The following AXIN1 variants were observed in gnomAD, a reference collection of about 807,000 sequenced individuals.
AXIN1 encodes axin 1.
Under a neutral mutation model 76.4 loss-of-function variants are expected in AXIN1, and 30 were observed. The ratio of observed to expected loss-of-function variants is 0.39; its 90% confidence interval spans 0.29 to 0.53. The LOEUF is 0.53. AXIN1 is among the 20% of genes least tolerant of loss of function. The pLI is 0.66. For missense variants in AXIN1, 1,140 were observed against 1,198.8 expected (o/e 0.95, Z 0.72); for synonymous variants, 545 against 501.4 (o/e 1.09, Z -1.16).
At chr16:318,073 T>C (rs1448161466) in intron 2 of AXIN1, among the ~76,000 whole-genome samples, 1 of 152,170 alleles carries the variant, frequency 6.6e-6, no homozygotes, top group Non-Finnish European at 1.5e-5. Context: ...CCACGGCACA[T>C]GGCGTGTCTG....
At chr16:308,763 A>C (rs1308713404) in intron 4 of AXIN1, among the ~76,000 whole-genome samples, 1 of 152,176 alleles carries the variant, frequency 6.6e-6, no homozygotes, top group Non-Finnish European at 1.5e-5. Context: ...GCACCCACAC[A>C]CAGCCTACAG....
Position 320,743 on chromosome 16 carries a change from A to AT in AXIN1, c.879-6061dup, listed in dbSNP as rs71299927. 8.0e-3 allele frequency among the ~76,000 whole-genome samples: 862 copies of AT among 107,606 alleles called. 12 individuals carry two copies. The highest frequency in any genetic ancestry group is 0.029 in the East Asian group (128 of 4,424). 70.6% of individuals were successfully genotyped at this position (107,606 alleles called of 152,430 possible). ...TGTGTGTATATATATATATATATAT[A>AT]TTTTTTTTTTTTTTGAGACGGAGCC... On this transcript the variant is annotated intron_variant, in intron 2 of 10. Transcript: ENST00000262320.
chr16:297,024 CCCA>C (rs776311381), intron 7 of AXIN1, 29 bp downstream of exon 7: 3 of 1,605,602 alleles, frequency 1.9e-6, no homozygotes, highest in African/African-American at 1.3e-5. Context: ...CAAAGCAGGC[CCCA>C]CGAGGCTGGC....
chr16:329,357 T>C (rs2053647308), intron 2 of AXIN1, among the ~76,000 whole-genome samples: 1 of 148,208 alleles, frequency 6.7e-6, no homozygotes, highest in Non-Finnish European at 1.5e-5. Context: ...ATGAAAAAAA[T>C]GTGCTAAGAA....
rs1415528882 is a variant in AXIN1, at chr16:293,760, C to T, written c.1956-42G>A. 6.3e-7 allele frequency: 1 copy of T among 1,588,428 alleles called. No individual in the cohort carries two copies. Among genetic ancestry groups the T allele is most frequent in the Non-Finnish European group, 8.6e-7 (1 of 1,160,212 alleles). ...ACAAGTTGTGACTGTGGCCGACACC[C>T]TGGCCAGGTGGCCTGGTGGGGCTAC... is the stretch of plus-strand genomic sequence containing the variant. On this transcript the variant is annotated intron_variant, in intron 7 of 10. Coordinates refer to ENST00000262320, the MANE Select transcript of AXIN1 (RefSeq NM_003502.4). This position sits in a 1 kb window ranked among gnomAD's most constrained non-coding sequence, Gnocchi z 4.6.
intron 2 of AXIN1, among the ~76,000 whole-genome samples, chr16:324,219 T>A (rs548804112): frequency 1.3e-5 from 2 of 152,166 alleles, no homozygotes. Context: ...CCGGGCCACA[T>A]TACGGGTCGG....
At chr16:339,777 C>G (rs1383355233) in intron 2 of AXIN1, among the ~76,000 whole-genome samples, 2 of 152,192 alleles carry the variant, frequency 1.3e-5, no homozygotes, top group Non-Finnish European at 2.9e-5. Context: ...GGGGAGCCCA[C>G]GCAAGGGGCA....
rs200587292 is a variant in AXIN1, at chr16:297,262, C to T, written c.1785-36G>A. On this transcript the variant is annotated intron_variant, in intron 6 of 10. Coordinates refer to ENST00000262320, the MANE Select transcript of AXIN1 (RefSeq NM_003502.4). Reference sequence around the variant, plus strand: ...AAGAGCTGCGAGTCGCCCTGGCCTCCGGTGGCCGAGGCTGTGCCCCTTCCT... The same window carrying T: ...AAGAGCTGCGAGTCGCCCTGGCCTCTGGTGGCCGAGGCTGTGCCCCTTCCT... The T allele has an allele frequency of 4.4e-5, 71 of 1,600,538 alleles. No individual in the cohort carries two copies. In the East Asian group the frequency reaches 1.1e-3, roughly 24 times the overall value.
chr16:352,590 C>T lies in AXIN1; in HGVS notation c.-303G>A, dbSNP rs2054169813. The T allele has an allele frequency of 1.1e-5, 2 of 181,444 alleles. No individual in the cohort carries two copies. Among genetic ancestry groups the T allele is most frequent in the Non-Finnish European group, 2.1e-5 (2 of 96,902 alleles). 11.2% of individuals were successfully genotyped at this position (181,444 alleles called of 1,614,324 possible). On this transcript the variant is annotated 5_prime_UTR_variant, in exon 1 of 11. Transcript: ENST00000262320. Reference sequence around the variant, plus strand: ...GCCGCCAGCTCCCACCCGCCCGCTCCGCGTGGACGCGGCTCCGGGCCGACT... The same window carrying T: ...GCCGCCAGCTCCCACCCGCCCGCTCTGCGTGGACGCGGCTCCGGGCCGACT...
In AXIN1 at chr16:291,267, G is replaced by A. The variant is rs915482424; in HGVS notation, c.2217C>T (p.Arg739=). ...GCGCGCACGCTGGCCTGACGCAGGC[G>A]CGTCCCCGCCGCATAACCTCCTGCA... ...RYVQEVMRRG[R]ACVRPACAPV... Residue 739 remains arginine, a synonymous_variant, in exon 9 of 11, where the codon CGC becomes CGT. Coordinates refer to ENST00000262320, the MANE Select transcript of AXIN1 (RefSeq NM_003502.4). The A allele has an allele frequency of 4.0e-5, 63 of 1,580,130 alleles. No homozygotes were observed. The highest frequency in any genetic ancestry group is 5.0e-5 in the Non-Finnish European group (58 of 1,163,632).
Position 346,865 on chromosome 16 carries a change from C to T in AXIN1, c.161G>A (p.Gly54Asp), listed in dbSNP as rs2141708137. 1.2e-6 allele frequency: 2 copies of T among 1,613,730 alleles called. No homozygotes were observed. Among genetic ancestry groups the T allele is most frequent in the Non-Finnish European group, 1.7e-6 (2 of 1,179,596 alleles). The change falls in exon 2 of 11, where the codon GGT (glycine) becomes GAT (aspartate). Residue 54 changes from glycine (G) to aspartate (D), a missense_variant. Around this residue, in one of 3 missense-constraint regions of AXIN1, gnomAD observed 708 missense variants for 776.9 expected, o/e 0.91. Transcript: ENST00000262320. ...FCSGKGVGIK[G>D]ETSTATPRRS... ...CCTCGGAGTGGCCGTCGAAGTCTCA[C>T]CTTTAATGCCAACACCTTTCCCGGA...
chr16:320,517 GA>G (rs1316208590), intron 2 of AXIN1, among the ~76,000 whole-genome samples: 4 of 152,194 alleles, frequency 2.6e-5, no homozygotes, highest in Non-Finnish European at 5.9e-5. Flanking sequence ...GAGAAATTTA[GA>G]AACAGGTCAA....
At chr16:300,422 A>G (rs898201825) in intron 5 of AXIN1, among the ~76,000 whole-genome samples, 2 of 151,866 alleles carry the variant, frequency 1.3e-5, no homozygotes, top group African/African-American at 4.8e-5. Flanking sequence ...CTGCTCTTAA[A>G]TTCCTGGCCT....
chr16:338,970 G>C (rs1041805528), intron 2 of AXIN1, among the ~76,000 whole-genome samples: 7 of 92,996 alleles, frequency 7.5e-5, no homozygotes, highest in African/African-American at 3.9e-4. Context: ...TGTGGGGACA[G>C]AGTCCAGCAG....
At position 289,079 on chromosome 16, in the gene AXIN1, C is replaced by T. The variant is rs376047838; in HGVS notation, c.2462+361G>A. Among the ~76,000 whole-genome samples the T allele has an allele frequency of 4.5e-3, 618 of 137,554 alleles. 5 individuals are homozygous for T. Among genetic ancestry groups the T allele is most frequent in the African/African-American group, 0.012 (420 of 35,370 alleles). 90.2% of individuals were successfully genotyped at this position (137,554 alleles called of 152,430 possible). ...GCTGAAATGGCCGGAAGCCCTTTTT[C>T]TTCTTTTTTTTTTTTTGGGCGGGGG... On this transcript the variant is annotated intron_variant, in intron 10 of 10. Coordinates refer to ENST00000262320, the MANE Select transcript of AXIN1 (RefSeq NM_003502.4).
chr16:301,062 A>T (rs1184102579), intron 5 of AXIN1, among the ~76,000 whole-genome samples: 1 of 151,874 alleles, frequency 6.6e-6, no homozygotes, highest in African/African-American at 2.4e-5. Flanking sequence ...CAAGGTCGGG[A>T]GATCGAGACC....
intron 7 of AXIN1, 68 bp downstream of exon 7, chr16:296,988 T>C (rs866491964): frequency 6.4e-7 from 1 of 1,552,024 alleles, no homozygotes; most frequent in Non-Finnish European, 8.8e-7. Flanking sequence ...CTGCACACAC[T>C]GAGACTGTGC....
rs2141705417 is a variant in AXIN1, at chr16:346,642, C to G, written c.384G>C (p.Glu128Asp). The stretch of plus-strand genomic sequence containing the variant: ...TCTTCTCCTCGTTCGAGTCACAGGG[C>G]TCCAGCTTCCTGAAGCCAGTGCAGG... The part of the protein sequence containing the change: ...WFACTGFRKL[E>D]PCDSNEEKRL... The change falls in exon 2 of 11, where the codon GAG becomes GAC. Residue 128 changes from glutamate (E) to aspartate (D), a missense_variant. Around this residue, in one of 3 missense-constraint regions of AXIN1, gnomAD observed 708 missense variants for 776.9 expected, o/e 0.91. Coordinates refer to ENST00000262320, the MANE Select transcript of AXIN1 (RefSeq NM_003502.4). 1 of 1,579,106 alleles carries G rather than the reference C, an allele frequency of 6.3e-7. No individual in the cohort carries two copies.
chr16:297,928 C>A lies in AXIN1; in HGVS notation c.1578G>T (p.Ala526=). ...CGTGTCGGTGGTGGTGCAGGCCGGC[C>A]GCGTCCAGCTTCGCCCCTGACTTGG... The part of the protein sequence containing the change: ...HVPKSGAKLD[A]AGLHHHRHVH... Residue 526 remains alanine (A), a synonymous_variant, in exon 6 of 11, where the codon GCG becomes GCT. Coordinates refer to ENST00000262320, the MANE Select transcript of AXIN1 (RefSeq NM_003502.4). The A allele has an allele frequency of 6.3e-7, 1 of 1,599,612 alleles. No individual in the cohort carries two copies. The highest frequency in any genetic ancestry group is 8.5e-7 in the Non-Finnish European group (1 of 1,172,806).
Sources: allele counts gnomAD v4.1 joint callset (sites outside exome capture counted in the v4.1 genomes callset), GRCh38; gene constraint gnomAD v4.1.1; regional missense constraint gnomAD v4.1.1; non-coding constraint Gnocchi (gnomAD v3.1); transcripts MANE v1.5; gene names NCBI Gene and HGNC (gene_info 2026-07-23, HGNC 2026-07-21).